Variants in KIF25 observed in about 807,000 individuals in gnomAD.
The protein encoded by KIF25 is kinesin family member 25, also known as kinesin-like protein KIF25.
A neutral mutation model predicts 32.9 loss-of-function variants in KIF25; 19 were observed. The observed-to-expected ratio is 0.58, with a 90% CI of 0.40 to 0.85. KIF25 has a LOEUF of 0.85. Among genes scored for constraint, KIF25 ranks in the 40% least tolerant of loss-of-function variants. The probability of loss-of-function intolerance (pLI) is 0.00; values close to 1 mark genes in which losing one functional copy is unlikely to be tolerated. For synonymous variants in KIF25, 225 were observed against 213.7 expected, an observed-to-expected ratio of 1.05 and a Z score of -0.46; for missense variants, 485 against 507.0, an observed-to-expected ratio of 0.96 and a Z score of 0.42.
At chr6:168,040,565 A>T (rs1269773673) in intron 10 of KIF25, among the ~76,000 whole-genome samples, 1 of 134,968 alleles carries the variant, frequency 7.4e-6, no homozygotes, top group African/African-American at 3.4e-5. Context: ...AAACTCTGTT[A>T]AAAAAAAAAA....
At chr6:168,022,465 A>G (rs751031010) in intron 5 of KIF25, among the ~76,000 whole-genome samples, 1 of 152,046 alleles carries the variant, frequency 6.6e-6, no homozygotes, top group Non-Finnish European at 1.5e-5. Context: ...TCACTCTATC[A>G]CCCAGGCTGG....
intron 4 of KIF25, among the ~76,000 whole-genome samples, chr6:168,017,671 T>G (rs932424325): frequency 2.6e-5 from 4 of 152,158 alleles, no homozygotes; most frequent in African/African-American, 9.7e-5. Context: ...GGAGCTCTGT[T>G]GTGTGTTCCC....
intron 3 of KIF25, among the ~76,000 whole-genome samples, chr6:168,002,952 A>ACT (rs1798527918): frequency 6.6e-6 from 1 of 152,152 alleles, no homozygotes; most frequent in Non-Finnish European, 1.5e-5. Flanking sequence ...TGTGCTCCCA[A>ACT]GAGAATCTAA....
chr6:168,013,119 G>T (rs1045306640), intron 4 of KIF25, among the ~76,000 whole-genome samples: 5 of 151,964 alleles, frequency 3.3e-5, no homozygotes, highest in African/African-American at 1.2e-4. Context: ...AGGGTGTTGG[G>T]GTACTGTGGG....
At chr6:168,022,674 C>T (rs1407730724) in intron 5 of KIF25, among the ~76,000 whole-genome samples, 2 of 151,946 alleles carry the variant, frequency 1.3e-5, no homozygotes, top group Admixed American at 6.6e-5. Flanking sequence ...TCTTTGTTGC[C>T]ACTGACTGTA....
intron 4 of KIF25, among the ~76,000 whole-genome samples, chr6:168,015,201 G>T (rs549864642): frequency 1.3e-5 from 2 of 152,302 alleles, no homozygotes; most frequent in African/African-American, 4.8e-5. Context: ...TAGATGTGCA[G>T]TCCCTCCCTC....
intron 11 of KIF25, among the ~76,000 whole-genome samples, 173 bp downstream of exon 11, chr6:168,042,324 G>A (rs140465870): frequency 3.0e-4 from 46 of 152,270 alleles, no homozygotes; most frequent in Middle Eastern, 6.8e-3. Flanking sequence ...CTCTTACCCC[G>A]GCAACCCGAG....
intron 5 of KIF25, 45 bp from the exon 6 acceptor site, chr6:168,029,447 G>A: frequency 7.5e-7 from 1 of 1,334,948 alleles, no homozygotes; most frequent in Non-Finnish European, 1.0e-6. Context: ...GTTAAGGCAT[G>A]GTCGTGGTAA....
intron 12 of KIF25, among the ~76,000 whole-genome samples, chr6:168,044,023 T>A (rs192881119): frequency 6.6e-6 from 1 of 152,220 alleles, no homozygotes; most frequent in Non-Finnish European, 1.5e-5. Flanking sequence ...CCCAGGGGGC[T>A]GAGCGTCCCT....
chr6:168,030,566 T>C, intron 6 of KIF25: 3 of 316,406 alleles, frequency 9.5e-6, no homozygotes, highest in Admixed American at 1.0e-4. Flanking sequence ...GCTTATTACA[T>C]TTTCATAGCA....
intron 8 of KIF25, among the ~76,000 whole-genome samples, chr6:168,036,985 C>T (rs925848838): frequency 6.6e-6 from 1 of 152,172 alleles, no homozygotes; most frequent in Non-Finnish European, 1.5e-5. Context: ...TCACTTGAAC[C>T]TGGGTGGCAG....
At chr6:168,018,820 C>T (rs1009189676) in intron 5 of KIF25, among the ~76,000 whole-genome samples, 1 of 152,338 alleles carries the variant, frequency 6.6e-6, no homozygotes, top group East Asian at 1.9e-4. Flanking sequence ...TCTTCCTCTC[C>T]CCGGCAGCAG....
intron 9 of KIF25, 84 bp from the exon 10 acceptor site, chr6:168,039,981 T>C: frequency 2.0e-6 from 3 of 1,481,210 alleles, no homozygotes; most frequent in Non-Finnish European, 2.7e-6. Flanking sequence ...GTGAGAGGCT[T>C]CCCTGAGCCG....
chr6:168,002,084 C>A (rs1337126419), intron 2 of KIF25, among the ~76,000 whole-genome samples: 1,842 of 77,414 alleles, frequency 0.024, 24 homozygotes, highest in Non-Finnish European at 0.03. Flanking sequence ...CACCTTCAGG[C>A]GTAGCCTCGG....
chr6:168,010,912 A>G (rs1335626593), intron 4 of KIF25, among the ~76,000 whole-genome samples: 3 of 152,006 alleles, frequency 2.0e-5, no homozygotes, highest in Admixed American at 6.6e-5. Context: ...TTTATCTTAC[A>G]TAAGTAAGGC....
At chr6:168,026,005 A>G (rs1449912721) in intron 5 of KIF25, among the ~76,000 whole-genome samples, 1 of 152,218 alleles carries the variant, frequency 6.6e-6, no homozygotes, top group Non-Finnish European at 1.5e-5. Context: ...GCAGTCTCCA[A>G]GTACTTTCAG....
In KIF25 at chr6:168,021,240, G is replaced by C. The variant is rs534731364; in HGVS notation, c.-95+3200G>C. ...GTCCTCTTAATTTATAGTATTCTGA[G>C]ATATCTACCTTCCATGTTGTTAAGA... is the stretch of plus-strand genomic sequence containing the variant. On this transcript the variant is annotated intron_variant, in intron 5 of 12. Transcript: ENST00000643607. Among the ~76,000 whole-genome samples, 5 of 152,234 alleles carry C rather than the reference G, an allele frequency of 3.3e-5. No individual in the cohort carries two copies. In the East Asian group the frequency reaches 7.7e-4, roughly 24 times the overall value.
chr6:168,036,456 A>T (rs976576487), intron 8 of KIF25, among the ~76,000 whole-genome samples: 3 of 152,152 alleles, frequency 2.0e-5, no homozygotes, highest in African/African-American at 7.2e-5. Flanking sequence ...TTGGAATCAC[A>T]CTGTTCATTG....
At chr6:168,017,617 A>C (rs1377694505) in intron 4 of KIF25, among the ~76,000 whole-genome samples, 2 of 152,120 alleles carry the variant, frequency 1.3e-5, no homozygotes, top group African/African-American at 4.8e-5. Context: ...GGGCCCTTAG[A>C]GTCAGTAATT....
Sources: gnomAD v4.1 joint callset for allele counts (sites outside exome capture counted in the v4.1 genomes callset) on GRCh38, gnomAD v4.1.1 for gene constraint, MANE v1.5 for transcripts, NCBI Gene and HGNC (gene_info 2026-07-23, HGNC 2026-07-21) for gene names.